Variants in CAST observed in about 807,000 individuals in gnomAD.
The protein encoded by CAST is MIR583 host.
A neutral mutation model predicts 119.6 loss-of-function variants in CAST; 76 were observed. The ratio of observed to expected loss-of-function variants is 0.64; its 90% CI spans 0.53 to 0.77. CAST has a LOEUF of 0.77. Among genes scored for constraint, CAST ranks in the 30% least tolerant of loss-of-function variants. CAST has a pLI of 0.00. For synonymous variants in CAST, 319 were observed against 331.6 expected (o/e 0.96, Z 0.41); for missense variants, 953 against 946.5 (o/e 1.01, Z -0.09).
chr5:95,963,725 C>CTCTT, the CAST span, among the ~76,000 whole-genome samples: 2 of 129,990 alleles, frequency 1.5e-5, no homozygotes, highest in African/African-American at 6.0e-5. Context: ...TTCTCTCTCT[C>CTCTT]TTTTTTTTTT....
At chr5:96,302,317 C>A in the CAST span, among the ~76,000 whole-genome samples, 2 of 152,142 alleles carry the variant, frequency 1.3e-5, no homozygotes, top group Non-Finnish European at 2.9e-5. Context: ...ACTTCCAGGT[C>A]TATAATAGGA....
rs1581164740 is a variant in CAST, at chr5:96,730,836, A to G, written c.606A>G (p.Ala202=). The G allele has an allele frequency of 2.5e-6, 4 of 1,613,730 alleles. No homozygotes were observed. Among genetic ancestry groups the G allele is most frequent in the African/African-American group, 2.7e-5 (2 of 74,904 alleles). ...GAGAGAGTGTTGCTGGTATCACTGCAATATCTGGCAAGCCGGGTGACAAGG... is the reference window on the plus strand; with the variant it reads ...GAGAGAGTGTTGCTGGTATCACTGCGATATCTGGCAAGCCGGGTGACAAGG... The part of the protein sequence containing the change: ...AGGESVAGIT[A]ISGKPGDKKK... The change falls in exon 9 of 32, where the codon GCA becomes GCG. Residue 202 remains alanine, a synonymous_variant. Coordinates refer to ENST00000675179, the MANE Select transcript of CAST (RefSeq NM_001750.7).
At chr5:96,141,343 C>T in the CAST span, among the ~76,000 whole-genome samples, 5 of 152,302 alleles carry the variant, frequency 3.3e-5, no homozygotes, top group East Asian at 1.9e-4. Context: ...AAACCTCCAT[C>T]GCATAGAAAT....
chr5:96,351,085 A>G, the CAST span, among the ~76,000 whole-genome samples: 1 of 152,182 alleles, frequency 6.6e-6, no homozygotes, highest in Admixed American at 6.5e-5. Flanking sequence ...ACAGTAACTT[A>G]GGACTTTGAA....
the CAST span, among the ~76,000 whole-genome samples, chr5:96,428,403 C>T: frequency 6.6e-6 from 1 of 152,184 alleles, no homozygotes; most frequent in Non-Finnish European, 1.5e-5. Context: ...TCCAGTATGG[C>T]ATTTCTTTGA....
chr5:96,736,974 C>CT (rs1179635676), intron 10 of CAST, among the ~76,000 whole-genome samples: 1 of 152,188 alleles, frequency 6.6e-6, no homozygotes, highest in Non-Finnish European at 1.5e-5. Context: ...GAATCAGACA[C>CT]TTTCTTCACA....
At chr5:96,061,355 G>A in the CAST span, among the ~76,000 whole-genome samples, 12 of 152,092 alleles carry the variant, frequency 7.9e-5, no homozygotes, top group Non-Finnish European at 1.3e-4. Context: ...TTAAATTCTA[G>A]TGATCCCAGC....
chr5:96,726,332 A>G (rs1362205888), intron 4 of CAST, among the ~76,000 whole-genome samples: 1 of 152,220 alleles, frequency 6.6e-6, no homozygotes, highest in Non-Finnish European at 1.5e-5. Flanking sequence ...AAGCATTTCT[A>G]GAACTTTAAA....
At chr5:96,474,436 G>C in the CAST span, among the ~76,000 whole-genome samples, 2 of 151,516 alleles carry the variant, frequency 1.3e-5, no homozygotes, top group Non-Finnish European at 2.9e-5. Context: ...ATGATGGGGG[G>C]TGGGGGTGAG....
rs183461057 is a variant in CAST, at chr5:96,648,847, A to G, written c.61-26692A>G. ...CTGAAGCCCTAGCTCTGAGACGCCT[A>G]CTCAGTAAAGATGGTCCATTCACCT... is the stretch of plus-strand genomic sequence containing the variant. On this transcript the variant is annotated intron_variant, in intron 1 of 11. Transcript: ENST00000505143. Among the ~76,000 whole-genome samples the G allele has an allele frequency of 3.7e-4, 56 of 152,108 alleles. 1 individual carries two copies. The highest frequency in any genetic ancestry group is 3.2e-3 in the Admixed American group (49 of 15,258).
chr5:96,411,042 A>G, the CAST span: 1 of 1,223,998 alleles, frequency 8.2e-7, no homozygotes, highest in African/African-American at 1.5e-5. Flanking sequence ...GGTCATTGTT[A>G]TATCCCAATA....
chr5:95,966,265 C>A, the CAST span, among the ~76,000 whole-genome samples: 2 of 152,120 alleles, frequency 1.3e-5, no homozygotes, highest in Non-Finnish European at 1.5e-5. Context: ...GAGGCTAAAA[C>A]CCTCCCTAGC....
rs1580823028 is a variant in CAST, at chr5:96,556,738, GTACCT to G, written c.60+26859_60+26863del. On this transcript the variant is annotated intron_variant, in intron 1 of 11. Coordinates refer to the CAST transcript ENST00000505143. ...AAGACCAAATCTACATCTGACTGGTGTACCTGAAAGTGATGGGGAGAATGGAACCA... is the reference window on the plus strand; with the variant it reads ...AAGACCAAATCTACATCTGACTGGTGGAAAGTGATGGGGAGAATGGAACCA... Among the ~76,000 whole-genome samples, 12 of 152,316 alleles carry G rather than the reference GTACCT, an allele frequency of 7.9e-5. No homozygotes were observed. In the East Asian group the frequency reaches 2.3e-3, roughly 29 times the overall value.
At chr5:96,128,683 C>A in the CAST span, among the ~76,000 whole-genome samples, 1 of 152,046 alleles carries the variant, frequency 6.6e-6, no homozygotes, top group Admixed American at 6.6e-5. Context: ...ATAGGTAGTA[C>A]CCTTCTGGAT....
chr5:96,631,882 A>T (rs1028501854), intron 1 of CAST, among the ~76,000 whole-genome samples: 1 of 152,128 alleles, frequency 6.6e-6, no homozygotes, highest in African/African-American at 2.4e-5. Flanking sequence ...TTGCCGGGTC[A>T]TATGGTAATT....
the CAST span, chr5:96,395,080 CT>C: frequency 7.5e-7 from 1 of 1,341,996 alleles, no homozygotes; most frequent in African/African-American, 1.4e-5. Flanking sequence ...ATAAAACAAA[CT>C]CATTCAAAAT....
intron 10 of CAST, among the ~76,000 whole-genome samples, chr5:96,737,373 A>C (rs77855178): frequency 0.012 from 1,830 of 152,298 alleles, 38 homozygotes; most frequent in South Asian, 0.032. Context: ...CATGAAATAG[A>C]TTCTATTTGG....
chr5:96,337,605 G>A, the CAST span, among the ~76,000 whole-genome samples: 1 of 152,164 alleles, frequency 6.6e-6, no homozygotes. Context: ...GACACCAGCT[G>A]GATCTTCTGT....
At chr5:96,231,393 G>A in the CAST span, among the ~76,000 whole-genome samples, 115 of 152,196 alleles carry the variant, frequency 7.6e-4, no homozygotes, top group Middle Eastern at 6.8e-3. Flanking sequence ...ACCACATATT[G>A]TATGATTTCA....
Sources: allele counts gnomAD v4.1 joint callset (sites outside exome capture counted in the v4.1 genomes callset), GRCh38; gene constraint gnomAD v4.1.1; transcripts MANE v1.5; gene names NCBI Gene and HGNC (gene_info 2026-07-23, HGNC 2026-07-21).